The following GRID1 variants were observed in gnomAD, a reference collection of about 807,000 sequenced individuals.
GRID1 encodes the protein glutamate receptor ionotropic, delta-1.
A neutral mutation model predicts 98.0 loss-of-function variants in GRID1; 28 were observed. The ratio of observed to expected loss-of-function variants is 0.29; its 90% CI spans 0.21 to 0.39. The LOEUF is 0.39. Ranked by LOEUF, GRID1 falls within the 10% of genes least tolerant of loss-of-function variation. GRID1 has a pLI of 1.00. For missense variants in GRID1, 1,111 were observed against 1,340.5 expected (o/e 0.83, Z 2.67); for synonymous variants, 553 against 538.5 (o/e 1.03, Z -0.37).
At chr10:85,913,470 G>A (rs769471103) in intron 5 of GRID1, among the ~76,000 whole-genome samples, 1 of 152,268 alleles carries the variant, frequency 6.6e-6, no homozygotes, top group Non-Finnish European at 1.5e-5. Context: ...GCACTGACAA[G>A]TGCCTGGCAC....
intron 4 of GRID1, among the ~76,000 whole-genome samples, chr10:86,004,019 A>G (rs1429964729): frequency 6.6e-6 from 1 of 152,306 alleles, no homozygotes; most frequent in South Asian, 2.1e-4. Context: ...GAAGAAGGAA[A>G]CTGTGCACAG....
intron 8 of GRID1, among the ~76,000 whole-genome samples, chr10:85,800,771 G>A (rs1410383370): frequency 1.3e-5 from 2 of 152,004 alleles, no homozygotes; most frequent in Admixed American, 1.3e-4. Flanking sequence ...GTGCTTTGCA[G>A]TTATTAACTC....
intron 4 of GRID1, among the ~76,000 whole-genome samples, chr10:85,917,917 G>A (rs908761026): frequency 1.2e-4 from 18 of 152,240 alleles, no homozygotes; most frequent in Admixed American, 7.9e-4. Flanking sequence ...ACACTTCAGC[G>A]TGGAGTCTCA....
chr10:86,155,618 A>G (rs1165068114), intron 3 of GRID1, among the ~76,000 whole-genome samples: 2 of 152,240 alleles, frequency 1.3e-5, no homozygotes, highest in Admixed American at 6.5e-5. Flanking sequence ...GGGTTAGCAC[A>G]GGTTCCTGGG....
At chr10:85,830,122 T>C (rs965953413) in intron 8 of GRID1, among the ~76,000 whole-genome samples, 2 of 152,046 alleles carry the variant, frequency 1.3e-5, no homozygotes, top group African/African-American at 4.8e-5. Flanking sequence ...CATAGACCAA[T>C]GGAACAGAAT....
chr10:86,315,318 AG>A (rs1408211163), intron 2 of GRID1, among the ~76,000 whole-genome samples: 1 of 152,150 alleles, frequency 6.6e-6, no homozygotes, highest in Non-Finnish European at 1.5e-5. Flanking sequence ...CACCCTGGCC[AG>A]GCATAGCCAC....
chr10:85,681,640 G>A (rs1440927589), intron 12 of GRID1, among the ~76,000 whole-genome samples: 1 of 151,982 alleles, frequency 6.6e-6, no homozygotes, highest in East Asian at 1.9e-4. Flanking sequence ...CTTCTTCACA[G>A]CCCAGCCCCT....
intron 2 of GRID1, among the ~76,000 whole-genome samples, chr10:86,290,945 A>G (rs893753533): frequency 2.0e-5 from 3 of 152,120 alleles, no homozygotes; most frequent in African/African-American, 7.2e-5. Flanking sequence ...CTGGAGAGGA[A>G]GCGGCCCAGG....
chr10:85,774,107 G>T (rs1001918397), intron 8 of GRID1, among the ~76,000 whole-genome samples: 13 of 152,154 alleles, frequency 8.5e-5, no homozygotes, highest in African/African-American at 3.1e-4. Flanking sequence ...AAACAGCATG[G>T]TACTGGTACC....
intron 8 of GRID1, among the ~76,000 whole-genome samples, chr10:85,840,860 AC>A (rs112179112): frequency 0.016 from 2,448 of 152,334 alleles, 64 homozygotes; most frequent in African/African-American, 0.055. Context: ...AATGAAAAAA[AC>A]ATTCATGCTC....
At chr10:86,363,733 G>T (rs888504079) in intron 2 of GRID1, among the ~76,000 whole-genome samples, 6 of 152,232 alleles carry the variant, frequency 3.9e-5, no homozygotes, top group Non-Finnish European at 7.3e-5. Context: ...GCGCTCGCAG[G>T]CTCTCCGTGC....
At chr10:86,363,595 C>G (rs1848632435) in intron 2 of GRID1, among the ~76,000 whole-genome samples, 1 of 152,196 alleles carries the variant, frequency 6.6e-6, no homozygotes, top group Admixed American at 6.5e-5. Flanking sequence ...GCAGACACGC[C>G]CACCCCCAAA....
intron 13 of GRID1, among the ~76,000 whole-genome samples, chr10:85,637,915 A>T (rs1843068810): frequency 6.6e-6 from 1 of 152,202 alleles, no homozygotes; most frequent in Non-Finnish European, 1.5e-5. Context: ...CTTGACAAAA[A>T]GATTAAGTCT....
chr10:86,264,813 GCCGCC>G (rs748597367), intron 2 of GRID1: 1 of 470,744 alleles, frequency 2.1e-6, no homozygotes, highest in South Asian at 1.6e-5. Flanking sequence ...CTGTGTCACC[GCCGCC>G]CCTTCCTGGT....
chr10:86,196,422 A>C (rs1845873648), intron 3 of GRID1, among the ~76,000 whole-genome samples: 1 of 152,040 alleles, frequency 6.6e-6, no homozygotes, highest in African/African-American at 2.4e-5. Context: ...ACTTCATTTC[A>C]TTTCATTTCA....
chr10:86,256,883 G>C (rs1422932752), intron 2 of GRID1, among the ~76,000 whole-genome samples: 1 of 152,292 alleles, frequency 6.6e-6, no homozygotes, highest in East Asian at 1.9e-4. Flanking sequence ...CTGGGCCTGG[G>C]TTTACAGTAG....
chr10:86,297,656 TAAC>T lies in GRID1; in HGVS notation c.235+66282_235+66284del, dbSNP rs145410141. Among the ~76,000 whole-genome samples the T allele has an allele frequency of 2.7e-3, 406 of 152,290 alleles. 2 individuals carry two copies. Among genetic ancestry groups the T allele is most frequent in the African/African-American group, 9.2e-3 (383 of 41,588 alleles). On this transcript the variant is annotated intron_variant, in intron 2 of 15. Coordinates refer to ENST00000327946, the MANE Select transcript of GRID1 (RefSeq NM_017551.3). ...AAAGCTTTGTAGGAAAGAAACAAGA[TAAC>T]TAAAATTAAAAATAGTCTATGAAAC...
intron 2 of GRID1, among the ~76,000 whole-genome samples, chr10:86,213,585 T>G (rs1267030464): frequency 3.9e-5 from 6 of 152,010 alleles, no homozygotes; most frequent in Admixed American, 3.3e-4. Flanking sequence ...TCCTCTGGCC[T>G]TTTCCCACAC....
chr10:86,283,487 A>G (rs1185839605), intron 2 of GRID1, among the ~76,000 whole-genome samples: 1 of 152,124 alleles, frequency 6.6e-6, no homozygotes, highest in Non-Finnish European at 1.5e-5. Context: ...GGCATCAGGC[A>G]CTTGGTTGGA....
Sources: gnomAD v4.1 joint callset for allele counts (sites outside exome capture counted in the v4.1 genomes callset) on GRCh38, gnomAD v4.1.1 for gene constraint, MANE v1.5 for transcripts, NCBI Gene and HGNC (gene_info 2026-07-23, HGNC 2026-07-21) for gene names.